FMN1: variants seen among roughly 807,000 people sequenced by gnomAD.
FMN1 encodes formin 1, also known as formin-1.
Under a neutral mutation model 132.4 loss-of-function variants are expected in FMN1, and 110 were observed. That is an observed-to-expected ratio of 0.83 (90% CI 0.71 to 0.97). The LOEUF (loss-of-function observed/expected upper bound fraction) is 0.97. Ranked by LOEUF, FMN1 falls within the 50% of genes least tolerant of loss-of-function variation. The pLI is 0.00. For synonymous variants in FMN1, 722 were observed against 651.7 expected (o/e 1.11, Z -1.64); for missense variants, 1,792 against 1,705.3 (o/e 1.05, Z -0.90).
At chr15:32,864,583 C>G (rs2059349530) in intron 16 of FMN1, among the ~76,000 whole-genome samples, 1 of 152,146 alleles carries the variant, frequency 6.6e-6, no homozygotes, top group African/African-American at 2.4e-5. Context: ...AAAGGCAAGA[C>G]ACTATATTTA....
chr15:33,107,762 A>C (rs1293950711), intron 4 of FMN1, among the ~76,000 whole-genome samples: 1 of 152,124 alleles, frequency 6.6e-6, no homozygotes, highest in Non-Finnish European at 1.5e-5. Context: ...GAAACTAAAT[A>C]ATGAATGAGT....
intron 4 of FMN1, 149 bp downstream of exon 4, chr15:33,152,899 C>A (rs116873922): frequency 0.011 from 7,911 of 750,282 alleles, 69 homozygotes; most frequent in Non-Finnish European, 0.015. Flanking sequence ...CCCCGCTGTT[C>A]CACTCCCCGT....
At chr15:32,884,947 A>G (rs539180187) in intron 16 of FMN1, among the ~76,000 whole-genome samples, 3 of 150,874 alleles carry the variant, frequency 2.0e-5, no homozygotes, top group East Asian at 2.0e-4. Context: ...TGAAAGGTAC[A>G]TGCCCTTAAT....
intron 16 of FMN1, among the ~76,000 whole-genome samples, chr15:32,871,090 C>T (rs538400846): frequency 1.3e-5 from 2 of 152,148 alleles, no homozygotes; most frequent in East Asian, 3.9e-4. Context: ...GCAGCCCAGG[C>T]ATGGAGGTAC....
chr15:32,939,905 A>AAT (rs1306614312), intron 9 of FMN1, among the ~76,000 whole-genome samples: 1 of 152,160 alleles, frequency 6.6e-6, no homozygotes, highest in African/African-American at 2.4e-5. Context: ...TAGGAAATTT[A>AAT]ATATATATAT....
intron 6 of FMN1, among the ~76,000 whole-genome samples, chr15:33,010,724 A>T (rs2034668276): frequency 6.6e-6 from 1 of 152,170 alleles, no homozygotes; most frequent in South Asian, 2.1e-4. Flanking sequence ...CATGTTTAGC[A>T]GAGTTGCTTG....
chr15:32,815,123 T>C (rs1181046558), intron 17 of FMN1, among the ~76,000 whole-genome samples: 2 of 151,970 alleles, frequency 1.3e-5, no homozygotes. Flanking sequence ...TTTGTATTTT[T>C]AGTAGAGATG....
At chr15:32,954,410 A>C (rs1451848063) in intron 9 of FMN1, among the ~76,000 whole-genome samples, 10 of 152,166 alleles carry the variant, frequency 6.6e-5, no homozygotes, top group African/African-American at 2.4e-4. Flanking sequence ...AATAAAATGA[A>C]AGTTGGCAGA....
intron 9 of FMN1, among the ~76,000 whole-genome samples, chr15:32,956,273 G>C (rs1201845649): frequency 6.6e-6 from 1 of 151,884 alleles, no homozygotes; most frequent in Non-Finnish European, 1.5e-5. Flanking sequence ...GCCAACAAGA[G>C]AAACATGGTT....
At chr15:32,820,729 A>G (rs899030948) in intron 17 of FMN1, among the ~76,000 whole-genome samples, 4 of 152,216 alleles carry the variant, frequency 2.6e-5, no homozygotes, top group African/African-American at 9.6e-5. Flanking sequence ...TAATACTACG[A>G]AGGGCTGATA....
intron 3 of FMN1, among the ~76,000 whole-genome samples, chr15:33,165,394 T>C (rs1428654653): frequency 1.3e-5 from 2 of 152,212 alleles, no homozygotes; most frequent in African/African-American, 4.8e-5. Context: ...AAGTAGGTTT[T>C]TCTTTCTTTT....
chr15:32,853,552 C>T (rs1596088195), intron 17 of FMN1, among the ~76,000 whole-genome samples: 1 of 152,322 alleles, frequency 6.6e-6, no homozygotes, highest in African/African-American at 2.4e-5. Context: ...GAAAATCCTA[C>T]ATTTTCTACG....
At chr15:32,984,225 C>T (rs1309489807) in intron 7 of FMN1, among the ~76,000 whole-genome samples, 1 of 152,042 alleles carries the variant, frequency 6.6e-6, no homozygotes, top group Non-Finnish European at 1.5e-5. Context: ...TTAAGCCAGC[C>T]TCCAATGCAA....
intron 9 of FMN1, among the ~76,000 whole-genome samples, chr15:32,959,538 A>AT (rs967719537): frequency 1.3e-5 from 2 of 152,188 alleles, no homozygotes; most frequent in African/African-American, 2.4e-5. Context: ...AGTAGACCCA[A>AT]TTTTTTGCCT....
Position 32,968,765 on chromosome 15 carries a change from C to T in FMN1, c.2936G>A (p.Ser979Asn), listed in dbSNP as rs1471462037. 4 of 1,611,722 alleles carry T rather than the reference C, an allele frequency of 2.5e-6. No individual in the cohort carries two copies. Among genetic ancestry groups the T allele is most frequent in the Non-Finnish European group, 3.4e-6 (4 of 1,179,150 alleles). ...CCAATATAAAGGCTTCATGGGACAA[C>T]TGGGCTCGATGGCTGGTTTTCGAGG... ...QCPRKPAIEP[S>N]CPMKPLYWTR... Residue 979 changes from serine to asparagine, a missense_variant, in exon 8 of 21, where the codon AGT (serine) becomes AAT (asparagine). Transcript: ENST00000616417.
rs398026774 is a variant in FMN1, at chr15:33,069,993, C to CTCTCTTTTTTT, written c.2044-4920_2044-4919insAAAAAAAGAGA. 2.4e-3 allele frequency among the ~76,000 whole-genome samples: 177 copies of CTCTCTTTTTTT among 74,334 alleles called. 2 individuals are homozygous for CTCTCTTTTTTT. Among genetic ancestry groups the CTCTCTTTTTTT allele is most frequent in the Non-Finnish European group, 3.4e-3 (139 of 40,652 alleles). 48.8% of individuals were successfully genotyped at this position (74,334 alleles called of 152,430 possible). On this transcript the variant is annotated intron_variant, in intron 5 of 20. Coordinates refer to ENST00000616417, the MANE Select transcript of FMN1 (RefSeq NM_001277313.2). Reference sequence around the variant, plus strand: ...AACAGATCATAAGATCAGTCTTTCTCTTTTTTTTTTTTTTTTTTTTTTTTT... The same window carrying CTCTCTTTTTTT: ...AACAGATCATAAGATCAGTCTTTCTCTCTCTTTTTTTTTTTTTTTTTTTTTTTTTTTTTTTT...
chr15:32,928,731 G>C (rs961661871), intron 9 of FMN1, among the ~76,000 whole-genome samples: 6 of 152,120 alleles, frequency 3.9e-5, no homozygotes, highest in African/African-American at 1.4e-4. Context: ...AAGGACACAG[G>C]AACAGGATCA....
intron 17 of FMN1, among the ~76,000 whole-genome samples, chr15:32,807,191 T>C (rs1373405450): frequency 6.6e-6 from 1 of 152,266 alleles, no homozygotes; most frequent in Non-Finnish European, 1.5e-5. Flanking sequence ...GAGAGGCTAA[T>C]GTTGTATACC....
At chr15:32,954,583 T>C (rs1003442338) in intron 9 of FMN1, among the ~76,000 whole-genome samples, 3 of 142,600 alleles carry the variant, frequency 2.1e-5, no homozygotes, top group Admixed American at 6.7e-5. Flanking sequence ...AGAAATTATG[T>C]TTACTGACAC....
Sources: gnomAD v4.1 joint callset for allele counts (sites outside exome capture counted in the v4.1 genomes callset) on GRCh38, gnomAD v4.1.1 for gene constraint, MANE v1.5 for transcripts, NCBI Gene and HGNC (gene_info 2026-07-23, HGNC 2026-07-21) for gene names.